TAB3: variants seen among roughly 807,000 people sequenced by gnomAD.
The protein encoded by TAB3 is TGF-beta-activated kinase 1 and MAP3K7-binding protein 3.
In TAB3, 18 loss-of-function variants were observed where a neutral mutation model predicts 48.1. The observed-to-expected ratio is 0.37, with a 90% CI of 0.26 to 0.55. The LOEUF is 0.55. Ranked by LOEUF, TAB3 falls within the 20% of genes least tolerant of loss-of-function variation. TAB3 has a pLI of 0.78. For synonymous variants in TAB3, 185 were observed against 190.2 expected, an observed-to-expected ratio of 0.97 and a Z score of 0.22; for missense variants, 414 against 549.8, an observed-to-expected ratio of 0.75 and a Z score of 2.47.
At position 30,831,159 on chromosome X, in the gene TAB3, T is replaced by C. The variant is rs1036784072; in HGVS notation, c.*268A>G. On this transcript the variant is annotated 3_prime_UTR_variant, in exon 11 of 11. Transcript: ENST00000288422. Reference sequence around the variant, plus strand: ...CCACCACAGAAGAGCTCTTGACTTCTGTGTGTACATTCTTTCACAGAGTGA... The same window carrying C: ...CCACCACAGAAGAGCTCTTGACTTCCGTGTGTACATTCTTTCACAGAGTGA... 23 of 272,717 alleles carry C rather than the reference T, an allele frequency of 8.4e-5. No individual in the cohort carries two copies. Among genetic ancestry groups the C allele is most frequent in the Non-Finnish European group, 1.9e-5 (3 of 155,982 alleles). 22.5% of individuals were successfully genotyped at this position (272,717 alleles called of 1,213,427 possible).
At chrX:30,882,011 A>G (rs1940010878) in intron 1 of TAB3, among the ~76,000 whole-genome samples, 1 of 112,230 alleles carries the variant, frequency 8.9e-6, no homozygotes. Context: ...CTGTGGCATA[A>G]AAGATAAGAC....
intron 9 of TAB3, among the ~76,000 whole-genome samples, chrX:30,839,176 C>T (rs1938334949): frequency 9.0e-6 from 1 of 111,186 alleles, no homozygotes; most frequent in Non-Finnish European, 1.9e-5. Flanking sequence ...CTTTTCTATT[C>T]TTAATTTGTT....
intron 1 of TAB3, among the ~76,000 whole-genome samples, chrX:30,876,328 A>G (rs1939832983): frequency 1.8e-5 from 2 of 112,332 alleles, no homozygotes; most frequent in African/African-American, 6.5e-5. Context: ...CCAGCATGCA[A>G]TTAAAGACAA....
chrX:30,883,193 T>A (rs779406152), intron 1 of TAB3, among the ~76,000 whole-genome samples: 16 of 111,432 alleles, frequency 1.4e-4, no homozygotes, highest in Non-Finnish European at 2.3e-4. Context: ...CTGAAACCAT[T>A]CCTCAGTAGA....
In TAB3 at chrX:30,855,324, C is replaced by T. The variant is rs1406853102; in HGVS notation, c.341G>A (p.Gly114Asp). 1 of 1,209,855 alleles carries T rather than the reference C, an allele frequency of 8.3e-7. No homozygotes were observed. Among genetic ancestry groups the T allele is most frequent in the Non-Finnish European group, 1.1e-6 (1 of 895,220 alleles). The change falls in exon 6 of 11, where the codon GGT becomes GAT. Residue 114 changes from glycine (G) to aspartate (D), a missense_variant. By Grantham distance (94) the Gly-to-Asp change is moderately conservative (BLOSUM62 -1). Coordinates refer to ENST00000288422, the MANE Select transcript of TAB3 (RefSeq NM_152787.5). ...TTGAACTAAACATATCAGCTGTTTA[C>T]CTGCTGCATGCTGAGGATCAATATG... Reference protein sequence around the residue: ...DGHIDPQHAAGKQLICLVQEP... With the variant: ...DGHIDPQHAADKQLICLVQEP...
intron 9 of TAB3, among the ~76,000 whole-genome samples, chrX:30,840,809 C>T (rs1221668888): frequency 2.7e-5 from 3 of 111,542 alleles, no homozygotes; most frequent in Non-Finnish European, 3.8e-5. Flanking sequence ...TCATGATGCA[C>T]GTGTTTTCCA....
intron 5 of TAB3, among the ~76,000 whole-genome samples, chrX:30,856,934 G>C (rs1478827322): frequency 1.8e-5 from 2 of 111,076 alleles, no homozygotes; most frequent in African/African-American, 6.5e-5. Flanking sequence ...TAATTTCAAG[G>C]GAAAGGATGT....
At chrX:30,875,412 C>A (rs1939798057) in intron 1 of TAB3, among the ~76,000 whole-genome samples, 1 of 110,706 alleles carries the variant, frequency 9.0e-6, no homozygotes, top group Non-Finnish European at 1.9e-5. Context: ...GCACAATGTT[C>A]ATTGATTAGG....
chrX:30,833,692 G>A (rs1038338138), intron 10 of TAB3, among the ~76,000 whole-genome samples: 6 of 109,228 alleles, frequency 5.5e-5, no homozygotes, highest in South Asian at 4.1e-4. Flanking sequence ...TTAGCCGGGC[G>A]TGGTGGCAGG....
At chrX:30,861,257 A>G (rs1939243742) in intron 4 of TAB3, among the ~76,000 whole-genome samples, 1 of 111,750 alleles carries the variant, frequency 8.9e-6, no homozygotes, top group Admixed American at 9.5e-5. Context: ...CAATTTCACT[A>G]TACTAAACCA....
At chrX:30,849,674 G>C (rs1938765934) in intron 7 of TAB3, among the ~76,000 whole-genome samples, 1 of 112,247 alleles carries the variant, frequency 8.9e-6, no homozygotes, top group African/African-American at 3.2e-5. Flanking sequence ...AGAGAAATCA[G>C]ATATAGCCAG....
intron 1 of TAB3, among the ~76,000 whole-genome samples, chrX:30,888,291 A>G: frequency 8.9e-6 from 1 of 112,798 alleles, no homozygotes; most frequent in African/African-American, 3.2e-5. Flanking sequence ...CTGATTGACA[A>G]ACGTCACTGA....
At chrX:30,884,164 C>T (rs185392239) in intron 1 of TAB3, among the ~76,000 whole-genome samples, 2 of 111,697 alleles carry the variant, frequency 1.8e-5, no homozygotes, top group African/African-American at 3.3e-5. Flanking sequence ...TAAAAAATTG[C>T]TACCAGGTAA....
intron 9 of TAB3, among the ~76,000 whole-genome samples, chrX:30,837,221 G>T (rs1251553015): frequency 1.8e-5 from 2 of 108,833 alleles, no homozygotes; most frequent in Admixed American, 2.0e-4. Flanking sequence ...GCTAATTTTG[G>T]TATCTTTAGT....
At chrX:30,857,158 A>T (rs1212094092) in intron 5 of TAB3, among the ~76,000 whole-genome samples, 1 of 112,215 alleles carries the variant, frequency 8.9e-6, no homozygotes, top group African/African-American at 3.2e-5. Flanking sequence ...CATTCTACCC[A>T]GATGATAGTG....
chrX:30,868,326 A>AAGCTTT lies in TAB3; in HGVS notation c.-279-778_-279-777insAAAGCT, dbSNP rs1203000344. Among the ~76,000 whole-genome samples the AAGCTTT allele has an allele frequency of 2.8e-4, 18 of 63,980 alleles. 6 individuals are homozygous for AAGCTTT. The highest frequency in any genetic ancestry group is 1.0e-3 in the African/African-American group (17 of 16,424). The allele number at this position is 63,980 out of a possible 115,157, so 55.6% of individuals were successfully genotyped here. On this transcript the variant is annotated intron_variant, in intron 2 of 10. Coordinates refer to ENST00000288422, the MANE Select transcript of TAB3 (RefSeq NM_152787.5). ...ATATATATATATAGCTTATATATAT[A>AAGCTTT]TATATATAAGCTTTTATATATATAG...
intron 1 of TAB3, among the ~76,000 whole-genome samples, chrX:30,875,257 T>G (rs891078772): frequency 1.8e-5 from 2 of 112,508 alleles, no homozygotes; most frequent in Non-Finnish European, 3.8e-5. Context: ...CATATGCCAT[T>G]CACCAGGTGT....
At position 30,855,234 on chromosome X, in the gene TAB3, T is replaced by C. The variant is rs142924416; in HGVS notation, c.431A>G (p.Glu144Gly). Reference sequence around the variant, plus strand: ...AGGAGTAGCTGCACTTCTGTTCTGTTCGTTCATAAAAAATGGATTGTAGTT... The same window carrying C: ...AGGAGTAGCTGCACTTCTGTTCTGTCCGTTCATAAAAAATGGATTGTAGTT... ...TPNYNPFFMN[E>G]QNRSAATPPS... Residue 144 changes from glutamate (E) to glycine (G), a missense_variant, in exon 6 of 11, where the codon GAA becomes GGA. By Grantham distance (98) the Glu-to-Gly change is moderately conservative. Transcript: ENST00000288422. The C allele has an allele frequency of 8.9e-5, 108 of 1,209,905 alleles. No homozygotes were observed. Among genetic ancestry groups the C allele is most frequent in the Non-Finnish European group, 1.2e-4 (105 of 895,285 alleles).
At position 30,866,870 on chromosome X, in the gene TAB3, TAA is replaced by T. The variant is rs77868699; in HGVS notation, c.-91+243_-91+244del. Among the ~76,000 whole-genome samples, 182 of 74,709 alleles carry T rather than the reference TAA, an allele frequency of 2.4e-3. 2 individuals carry two copies. The highest frequency in any genetic ancestry group is 8.6e-3 in the African/African-American group (169 of 19,630). The allele number at this position is 74,709 out of a possible 115,157, so 64.9% of individuals were successfully genotyped here. A position where few individuals can be genotyped will look rare whatever the true frequency, so the allele number is the denominator to read the frequency against. On this transcript the variant is annotated intron_variant, in intron 4 of 10. Coordinates refer to ENST00000288422, the MANE Select transcript of TAB3 (RefSeq NM_152787.5). ...GAGCACAATACAGGAAAGGGGTGTTTAAAAAAAAAAAAAAAAAAAAAGATTAC... is the reference window on the plus strand; with the variant it reads ...GAGCACAATACAGGAAAGGGGTGTTTAAAAAAAAAAAAAAAAAAAGATTAC...
Sources: gnomAD v4.1 joint callset for allele counts (sites outside exome capture counted in the v4.1 genomes callset) on GRCh38, gnomAD v4.1.1 for gene constraint, MANE v1.5 for transcripts, NCBI Gene and HGNC (gene_info 2026-07-23, HGNC 2026-07-21) for gene names.